The following SRRM4 variants were observed in gnomAD, a reference collection of about 807,000 sequenced individuals.
The protein encoded by SRRM4 is serine/arginine repetitive matrix 4.
SRRM4 carries 33 observed loss-of-function variants against 68.9 expected under a neutral mutation model. That is an observed-to-expected ratio of 0.48 (90% CI 0.36 to 0.64). The LOEUF is 0.64. SRRM4 is among the 30% of genes least tolerant of loss of function. The pLI is 0.00. For synonymous variants in SRRM4, 318 were observed against 318.8 expected (o/e 1.00, Z 0.03); for missense variants, 817 against 827.1 (o/e 0.99, Z 0.15).
At chr12:119,079,279 T>A (rs899994468) in intron 1 of SRRM4, among the ~76,000 whole-genome samples, 4 of 152,194 alleles carry the variant, frequency 2.6e-5, no homozygotes, top group African/African-American at 4.8e-5. Flanking sequence ...GGATCGTGTC[T>A]GGCCTCCTGA....
intron 1 of SRRM4, among the ~76,000 whole-genome samples, chr12:119,010,851 G>GA (rs1415172352): frequency 6.6e-6 from 1 of 152,094 alleles, no homozygotes; most frequent in African/African-American, 2.4e-5. Context: ...TACAACAGTT[G>GA]AAAAAATGCA....
chr12:118,996,204 C>T (rs1359921618), intron 1 of SRRM4, among the ~76,000 whole-genome samples: 1 of 152,162 alleles, frequency 6.6e-6, no homozygotes, highest in Non-Finnish European at 1.5e-5. Flanking sequence ...TAAACCTGAT[C>T]TTCCAGTCCT....
intron 1 of SRRM4, among the ~76,000 whole-genome samples, chr12:119,100,343 A>AAAAAAAAAAAG (rs1565908005): frequency 6.6e-6 from 1 of 150,658 alleles, no homozygotes; most frequent in Non-Finnish European, 1.5e-5. Context: ...AAAAAAAAAA[A>AAAAAAAAAAAG]TCTGGGTGTG....
chr12:119,015,675 C>A (rs572858180), intron 1 of SRRM4, among the ~76,000 whole-genome samples: 6 of 152,044 alleles, frequency 3.9e-5, no homozygotes, highest in Non-Finnish European at 8.8e-5. Flanking sequence ...TTTATTTAAT[C>A]AATATCCTAT....
chr12:118,997,961 C>T (rs1465098980), intron 1 of SRRM4, among the ~76,000 whole-genome samples: 1 of 152,082 alleles, frequency 6.6e-6, no homozygotes, highest in African/African-American at 2.4e-5. Context: ...CTACCACGTC[C>T]TACTGACACA....
At chr12:119,107,910 G>A (rs61938018) in intron 2 of SRRM4, among the ~76,000 whole-genome samples, 15,325 of 152,144 alleles carry the variant, frequency 0.1, 931 homozygotes, top group East Asian at 0.26. Context: ...TGATGTTAGG[G>A]TGTCAATTTT....
intron 1 of SRRM4, among the ~76,000 whole-genome samples, chr12:119,040,971 G>A (rs761814237): frequency 2.6e-4 from 40 of 151,846 alleles, no homozygotes; most frequent in Non-Finnish European, 2.6e-4. Flanking sequence ...TGGCCAGGCC[G>A]GTCTTGAACT....
chr12:119,141,851 A>C (rs892431388), intron 8 of SRRM4, among the ~76,000 whole-genome samples: 1 of 152,184 alleles, frequency 6.6e-6, no homozygotes, highest in Non-Finnish European at 1.5e-5. Flanking sequence ...CTCATTTTTG[A>C]ATGAGTGAGT....
At chr12:119,045,426 A>C (rs1953699486) in intron 1 of SRRM4, among the ~76,000 whole-genome samples, 1 of 151,252 alleles carries the variant, frequency 6.6e-6, no homozygotes, top group Admixed American at 6.6e-5. Context: ...AGACTTAGGA[A>C]CTCCCAGGGC....
chr12:119,025,974 C>T (rs1953546014), intron 1 of SRRM4, among the ~76,000 whole-genome samples: 1 of 151,952 alleles, frequency 6.6e-6, no homozygotes, highest in Non-Finnish European at 1.5e-5. Flanking sequence ...GTGTCCCTGC[C>T]TTAGAGTCAC....
chr12:118,986,746 C>A (rs1053132011), intron 1 of SRRM4, among the ~76,000 whole-genome samples: 36 of 152,030 alleles, frequency 2.4e-4, no homozygotes, highest in African/African-American at 8.2e-4. Context: ...GCTTTCTAGG[C>A]CTGTAAGTCT....
intron 1 of SRRM4, among the ~76,000 whole-genome samples, chr12:118,983,658 T>C (rs1426508921): frequency 6.6e-6 from 1 of 152,008 alleles, no homozygotes; most frequent in African/African-American, 2.4e-5. Context: ...GAGTCTTCCA[T>C]CTATTTTAGG....
intron 1 of SRRM4, among the ~76,000 whole-genome samples, chr12:119,073,326 T>TTC (rs1263454220): frequency 2.6e-5 from 2 of 78,020 alleles, no homozygotes; most frequent in Admixed American, 1.3e-4. Flanking sequence ...TTTTTTTTTG[T>TTC]TTGTTTGTTT....
At chr12:119,059,978 A>G (rs1233532124) in intron 1 of SRRM4, among the ~76,000 whole-genome samples, 3 of 152,070 alleles carry the variant, frequency 2.0e-5, no homozygotes, top group Non-Finnish European at 4.4e-5. Flanking sequence ...CTTCATGTCA[A>G]TCCAATCTTC....
chr12:119,128,975 C>T (rs918202150), intron 7 of SRRM4, among the ~76,000 whole-genome samples: 6 of 152,180 alleles, frequency 3.9e-5, no homozygotes, highest in African/African-American at 1.4e-4. Flanking sequence ...AGAGCTGGCA[C>T]GCAGGTTACA....
rs530239781 is a variant in SRRM4 at position 119,089,665 on chromosome 12, T to G, written c.132-12571T>G. 5.9e-4 allele frequency among the ~76,000 whole-genome samples: 90 copies of G among 152,210 alleles called. 1 individual carries two copies. Among genetic ancestry groups the G allele is most frequent in the African/African-American group, 2.0e-3 (85 of 41,526 alleles). On this transcript the variant is annotated intron_variant, in intron 1 of 12. Coordinates refer to ENST00000267260, the MANE Select transcript of SRRM4 (RefSeq NM_194286.4). Reference sequence around the variant, plus strand: ...GATGATTGGTGCTGGAGCTGCAGAGTTGGAGTCTTCTGAGAACTCTGTGCT... The same window carrying G: ...GATGATTGGTGCTGGAGCTGCAGAGGTGGAGTCTTCTGAGAACTCTGTGCT...
chr12:119,140,566 T>C (rs1237291930), intron 8 of SRRM4, among the ~76,000 whole-genome samples: 2 of 152,236 alleles, frequency 1.3e-5, no homozygotes, highest in Non-Finnish European at 2.9e-5. Flanking sequence ...CTTTTCCTAA[T>C]AGGAACAAAG....
In SRRM4 at chr12:119,151,056, G is replaced by T; in HGVS notation, c.1116G>T (p.Lys372Asn). The change falls in exon 10 of 13, where the codon AAG (lysine) becomes AAT (asparagine). Residue 372 changes from lysine (K) to asparagine (N), a missense_variant. Physicochemically the swap from Lys to Asn is moderately conservative, Grantham distance 94. Transcript: ENST00000267260. Reference protein sequence around the residue: ...QSPCLECAEVKKSSLVPSTAR... With the variant: ...QSPCLECAEVNKSSLVPSTAR... ...CGTGTCTGGAATGTGCCGAAGTGAA[G>T]AAGTCCAGTTTGGTCCCATCCACAG... 1 of 1,614,028 alleles carries T rather than the reference G, an allele frequency of 6.2e-7. No individual in the cohort carries two copies.
intron 1 of SRRM4, among the ~76,000 whole-genome samples, chr12:119,028,686 G>T (rs1258371117): frequency 6.6e-6 from 1 of 152,100 alleles, no homozygotes; most frequent in Non-Finnish European, 1.5e-5. Flanking sequence ...TTTGAACCTG[G>T]GTCACCCTGG....
Sources: gnomAD v4.1 joint callset for allele counts (sites outside exome capture counted in the v4.1 genomes callset) on GRCh38, gnomAD v4.1.1 for gene constraint, MANE v1.5 for transcripts, NCBI Gene and HGNC (gene_info 2026-07-23, HGNC 2026-07-21) for gene names.